MARCHF11: variants seen among roughly 807,000 people sequenced by gnomAD.
The protein encoded by MARCHF11 is E3 ubiquitin-protein ligase MARCHF11.
MARCHF11 carries 29 observed loss-of-function variants against 37.3 expected under a neutral mutation model. The observed-to-expected ratio is 0.78, with a 90% CI of 0.58 to 1.06. The LOEUF (loss-of-function observed/expected upper bound fraction) is 1.06. MARCHF11 is among the 50% of genes least tolerant of loss of function. MARCHF11 has a pLI of 0.00. For missense variants in MARCHF11, 482 were observed against 533.4 expected (o/e 0.90, Z 0.95); for synonymous variants, 233 against 228.0 (o/e 1.02, Z -0.20).
rs1417993765 is a variant in MARCHF11, at chr5:16,067,797, A to C, written c.887-4T>G. Reference sequence around the variant, plus strand: ...GCTCCTTCATGAACAATGAGACCTAAAATTTGAGAAAATAAAAAACCAAAA... The same window carrying C: ...GCTCCTTCATGAACAATGAGACCTACAATTTGAGAAAATAAAAAACCAAAA... On this transcript the variant is annotated splice_polypyrimidine_tract_variant and splice_region_variant and intron_variant, in intron 3 of 3. Coordinates refer to ENST00000332432, the MANE Select transcript of MARCHF11 (RefSeq NM_001102562.3). 6.3e-7 allele frequency: 1 copy of C among 1,596,930 alleles called. No homozygotes were observed. Among genetic ancestry groups the C allele is most frequent in the Admixed American group, 1.7e-5 (1 of 57,998 alleles).
chr5:16,174,544 C>T (rs1322045335), intron 2 of MARCHF11, among the ~76,000 whole-genome samples: 2 of 152,256 alleles, frequency 1.3e-5, no homozygotes, highest in African/African-American at 4.8e-5. Context: ...CTCACACACA[C>T]CTGCTTCCTG....
At chr5:16,177,699 G>T in intron 2 of MARCHF11, 27 bp downstream of exon 2, 1 of 1,573,782 alleles carries the variant, frequency 6.4e-7, no homozygotes, top group South Asian at 1.2e-5. Flanking sequence ...AATTATTTCA[G>T]GAAAAATAAA....
At chr5:16,113,168 CCTA>C (rs1163896715) in intron 2 of MARCHF11, among the ~76,000 whole-genome samples, 1 of 152,164 alleles carries the variant, frequency 6.6e-6, no homozygotes. Context: ...CTCCAGCAGA[CCTA>C]CTATTTTTTC....
intron 2 of MARCHF11, among the ~76,000 whole-genome samples, chr5:16,099,675 A>C (rs1329194392): frequency 6.6e-6 from 1 of 152,228 alleles, no homozygotes; most frequent in African/African-American, 2.4e-5. Context: ...ATTCATAGAA[A>C]TCAAAAAAGA....
chr5:16,146,969 G>A (rs1370162248), intron 2 of MARCHF11, among the ~76,000 whole-genome samples: 1 of 152,124 alleles, frequency 6.6e-6, no homozygotes, highest in Non-Finnish European at 1.5e-5. Flanking sequence ...GAGACTCAGA[G>A]AGAGATAGAG....
intron 2 of MARCHF11, among the ~76,000 whole-genome samples, chr5:16,157,849 A>G (rs765517159): frequency 2.6e-5 from 4 of 151,984 alleles, no homozygotes; most frequent in Non-Finnish European, 5.9e-5. Context: ...CATCAAACTA[A>G]AAAGCCTTTG....
intron 2 of MARCHF11, among the ~76,000 whole-genome samples, chr5:16,164,014 G>C (rs1012232536): frequency 6.6e-6 from 1 of 152,036 alleles, no homozygotes; most frequent in African/African-American, 2.4e-5. Context: ...TGGAAGTGAA[G>C]GCTGGGCCCT....
chr5:16,167,184 A>C (rs374518600), intron 2 of MARCHF11, among the ~76,000 whole-genome samples: 2 of 143,098 alleles, frequency 1.4e-5, no homozygotes, highest in Non-Finnish European at 3.1e-5. Context: ...GTGTGTGTGT[A>C]AGAGAGTAAT....
intron 1 of MARCHF11, 137 bp downstream of exon 1, chr5:16,178,902 G>C (rs1410531428): frequency 7.4e-6 from 8 of 1,076,948 alleles, no homozygotes; most frequent in Non-Finnish European, 9.7e-6. Flanking sequence ...ATTGGAGCCA[G>C]CGCTCACAGG....
intron 2 of MARCHF11, among the ~76,000 whole-genome samples, chr5:16,165,448 C>T (rs879153637): frequency 6.6e-6 from 1 of 152,074 alleles, no homozygotes; most frequent in African/African-American, 2.4e-5. Flanking sequence ...TGTCTCATGA[C>T]CTTTTTCTTT....
At position 16,090,030 on chromosome 5, in the gene MARCHF11, A is replaced by C. The variant is rs113529024; in HGVS notation, c.886+859T>G. Among the ~76,000 whole-genome samples, 469 of 152,316 alleles carry C rather than the reference A, an allele frequency of 3.1e-3. 1 individual carries two copies. The highest frequency in any genetic ancestry group is 0.011 in the African/African-American group (456 of 41,574). ...GAACCTCAGAGGGGCTGTAAAACCC[A>C]GATGGCTGGGCCCCACCCCTGATGT... is the stretch of plus-strand genomic sequence containing the variant. On this transcript the variant is annotated intron_variant, in intron 3 of 3. Coordinates refer to ENST00000332432, the MANE Select transcript of MARCHF11 (RefSeq NM_001102562.3).
chr5:16,179,181 C>T lies in MARCHF11; in HGVS notation c.395G>A (p.Arg132Gln), dbSNP rs1738420127. 3 of 1,355,064 alleles carry T rather than the reference C, an allele frequency of 2.2e-6. No homozygotes were observed. Among genetic ancestry groups the T allele is most frequent in the Non-Finnish European group, 2.8e-6 (3 of 1,061,830 alleles). The allele number at this position is 1,355,064 out of a possible 1,614,324, so 83.9% of individuals were successfully genotyped here. Reference protein sequence around the residue: ...SEAGAGGERERRGAGDQPETR... With the variant: ...SEAGAGGEREQRGAGDQPETR... ...CTCGGGCTGGTCTCCGGCGCCCCGC[C>T]GCTCGCGCTCGCCGCCCGCGCCGGC... Residue 132 changes from arginine (R) to glutamine (Q), a missense_variant, in exon 1 of 4, where the codon CGG (arginine) becomes CAG (glutamine). By Grantham distance (43) the Arg-to-Gln change is conservative. Coordinates refer to ENST00000332432, the MANE Select transcript of MARCHF11 (RefSeq NM_001102562.3).
At chr5:16,104,458 T>C (rs1231632823) in intron 2 of MARCHF11, among the ~76,000 whole-genome samples, 1 of 152,220 alleles carries the variant, frequency 6.6e-6, no homozygotes, top group Non-Finnish European at 1.5e-5. Context: ...AATGGGGGAA[T>C]TTTATAGCAT....
chr5:16,106,439 A>G (rs1737041309), intron 2 of MARCHF11, among the ~76,000 whole-genome samples: 1 of 152,216 alleles, frequency 6.6e-6, no homozygotes, highest in Admixed American at 6.5e-5. Context: ...TGAGCTCTCT[A>G]CAGGCAGGAT....
rs938832922 is a variant in MARCHF11 at position 16,159,527 on chromosome 5, C to G, written c.693+18199G>C. On this transcript the variant is annotated intron_variant, in intron 2 of 3. Coordinates refer to ENST00000332432, the MANE Select transcript of MARCHF11 (RefSeq NM_001102562.3). ...CAATTTTGGCCTCACTGATCTGAAA[C>G]GATATGCATGTGCTTCCAGACAAAT... Among the ~76,000 whole-genome samples the G allele has an allele frequency of 2.0e-5, 3 of 151,938 alleles. No homozygotes were observed. The East Asian group carries it at 5.8e-4, about 29-fold the overall frequency.
At chr5:16,105,799 T>C (rs1396876090) in intron 2 of MARCHF11, among the ~76,000 whole-genome samples, 2 of 152,236 alleles carry the variant, frequency 1.3e-5, no homozygotes, top group Non-Finnish European at 2.9e-5. Context: ...TTTTGTTTTT[T>C]TTCAATTTCA....
intron 3 of MARCHF11, among the ~76,000 whole-genome samples, chr5:16,084,458 C>A (rs1736660644): frequency 6.6e-6 from 1 of 152,106 alleles, no homozygotes; most frequent in Non-Finnish European, 1.5e-5. Flanking sequence ...CCCTGGCCAA[C>A]ATGGTGAAAC....
intron 2 of MARCHF11, among the ~76,000 whole-genome samples, chr5:16,151,095 A>T (rs2126597911): frequency 6.6e-6 from 1 of 152,210 alleles, no homozygotes; most frequent in East Asian, 1.9e-4. Context: ...GAGACAGATA[A>T]ACAGCTATCT....
At chr5:16,167,762 C>T (rs1369912440) in intron 2 of MARCHF11, among the ~76,000 whole-genome samples, 1 of 152,082 alleles carries the variant, frequency 6.6e-6, no homozygotes, top group Non-Finnish European at 1.5e-5. Context: ...CCGTTCCTTA[C>T]TATTGATAAT....
Sources: gnomAD v4.1 joint callset for allele counts (sites outside exome capture counted in the v4.1 genomes callset) on GRCh38, gnomAD v4.1.1 for gene constraint, MANE v1.5 for transcripts, NCBI Gene and HGNC (gene_info 2026-07-23, HGNC 2026-07-21) for gene names.